SLC25A27: variants seen among roughly 807,000 people sequenced by gnomAD.
SLC25A27 encodes the protein mitochondrial uncoupling protein 4.
SLC25A27 carries 35 observed loss-of-function variants against 49.1 expected under a neutral mutation model. The ratio of observed to expected loss-of-function variants is 0.71; its 90% CI spans 0.54 to 0.95. The LOEUF (loss-of-function observed/expected upper bound fraction) is 0.95. Among genes scored for constraint, SLC25A27 ranks in the 40% least tolerant of loss-of-function variants. SLC25A27 has a pLI of 0.00. For synonymous variants in SLC25A27, 144 were observed against 136.9 expected, an observed-to-expected ratio of 1.05 and a Z score of -0.36; for missense variants, 339 against 397.1, an observed-to-expected ratio of 0.85 and a Z score of 1.24.
At chr6:46,675,978 T>C (rs563755621) in intron 8 of SLC25A27, among the ~76,000 whole-genome samples, 14 of 152,268 alleles carry the variant, frequency 9.2e-5, no homozygotes, top group Middle Eastern at 3.4e-3. Context: ...AAACTAGATA[T>C]AGAAAAGCCT....
At chr6:46,667,570 G>A (rs1264851949) in intron 5 of SLC25A27, among the ~76,000 whole-genome samples, 1 of 152,206 alleles carries the variant, frequency 6.6e-6, no homozygotes, top group African/African-American at 2.4e-5. Context: ...AACACAGCAA[G>A]CTGACTCCTG....
chr6:46,668,984 G>T (rs1473935572), intron 6 of SLC25A27, among the ~76,000 whole-genome samples, 191 bp downstream of exon 6: 1 of 152,174 alleles, frequency 6.6e-6, no homozygotes. Flanking sequence ...CAAAGTTGTA[G>T]GATGTTTTGG....
At chr6:46,661,043 G>A (rs1223157026) in intron 3 of SLC25A27, among the ~76,000 whole-genome samples, 1 of 152,174 alleles carries the variant, frequency 6.6e-6, no homozygotes, top group East Asian at 1.9e-4. Context: ...TAATACTGAG[G>A]CTATAGTAAT....
intron 8 of SLC25A27, 59 bp downstream of exon 8, chr6:46,671,287 A>G: frequency 2.0e-6 from 2 of 1,011,958 alleles, no homozygotes; most frequent in Non-Finnish European, 2.9e-6. Context: ...CTTTTAATTT[A>G]TAAGCATTTT....
At chr6:46,671,251 T>C (rs1763525680) in intron 8 of SLC25A27, 23 bp downstream of exon 8, 3 of 1,359,726 alleles carry the variant, frequency 2.2e-6, no homozygotes, top group South Asian at 2.7e-5. Flanking sequence ...TTACTTCCTT[T>C]GTTTTTTTTC....
At chr6:46,672,727 T>G (rs879647140) in intron 8 of SLC25A27, among the ~76,000 whole-genome samples, 56 of 152,146 alleles carry the variant, frequency 3.7e-4, no homozygotes, top group African/African-American at 1.3e-3. Flanking sequence ...CTATGAAATT[T>G]TGGATACCCA....
At chr6:46,655,536 T>G (rs1291287334) in intron 1 of SLC25A27, among the ~76,000 whole-genome samples, 123 of 8,596 alleles carry the variant, frequency 0.014, no homozygotes, top group Admixed American at 0.028. Context: ...TTAATGTTTG[T>G]TTTTTTTTTT....
At chr6:46,670,925 T>C (rs1349779914) in intron 7 of SLC25A27, among the ~76,000 whole-genome samples, 2 of 152,024 alleles carry the variant, frequency 1.3e-5, no homozygotes, top group African/African-American at 4.8e-5. Context: ...AGAGATGGGG[T>C]TTCACCGTGT....
In SLC25A27 at chr6:46,676,593, T is replaced by G; in HGVS notation, c.*139T>G. The G allele has an allele frequency of 6.4e-7, 1 of 1,559,966 alleles. No homozygotes were observed. Among genetic ancestry groups the G allele is most frequent in the South Asian group, 1.2e-5 (1 of 85,348 alleles). ...GAGACTGATTTATAGGGGGCAGCAC[T>G]TTATTTTTTTCTGGAAACCCAAGTT... On this transcript the variant is annotated 3_prime_UTR_variant, in exon 9 of 9. Coordinates refer to ENST00000371347, the MANE Select transcript of SLC25A27 (RefSeq NM_004277.5).
intron 5 of SLC25A27, among the ~76,000 whole-genome samples, chr6:46,668,385 T>C (rs1026211758): frequency 6.6e-6 from 1 of 152,222 alleles, no homozygotes; most frequent in African/African-American, 2.4e-5. Context: ...CTTTTATTTA[T>C]AAGTGACAGG....
intron 8 of SLC25A27, among the ~76,000 whole-genome samples, chr6:46,671,887 T>C (rs1473344903): frequency 2.0e-5 from 3 of 151,754 alleles, no homozygotes; most frequent in Non-Finnish European, 4.4e-5. Flanking sequence ...TTAAAACATT[T>C]GAAAGAATAG....
intron 3 of SLC25A27, among the ~76,000 whole-genome samples, chr6:46,659,465 G>A (rs543403698): frequency 1.3e-5 from 2 of 152,264 alleles, no homozygotes; most frequent in African/African-American, 4.8e-5. Flanking sequence ...AGGACACGGT[G>A]AGATGATGAA....
At position 46,671,244 on chromosome 6, in the gene SLC25A27, C is replaced by T; in HGVS notation, c.900+16C>T. On this transcript the variant is annotated intron_variant, in intron 8 of 8. Coordinates refer to ENST00000371347, the MANE Select transcript of SLC25A27 (RefSeq NM_004277.5). Reference sequence around the variant, plus strand: ...GCTGAGAATGGTAAAGTTAGGTTTACTTCCTTTGTTTTTTTTCTTTGTACT... The same window carrying T: ...GCTGAGAATGGTAAAGTTAGGTTTATTTCCTTTGTTTTTTTTCTTTGTACT... 7.2e-7 allele frequency: 1 copy of T among 1,388,244 alleles called. No individual in the cohort carries two copies. Among genetic ancestry groups the T allele is most frequent in the East Asian group, 2.5e-5 (1 of 39,312 alleles). The allele number at this position is 1,388,244 out of a possible 1,614,324, so 86.0% of individuals were successfully genotyped here.
rs1420337839 is a variant in SLC25A27, at chr6:46,668,749, G to C, written c.660G>C (p.Leu220Phe). Residue 220 changes from leucine to phenylalanine, a missense_variant, in exon 6 of 9, where the codon TTG becomes TTC. Leu to Phe is a conservative substitution (Grantham distance 22). Transcript: ENST00000371347. ...ATACAGTGAAACACTACTTGGTATT[G>C]AATACACCACTTGAGGACAATATCA... ...TYDTVKHYLV[L>F]NTPLEDNIMT... The C allele has an allele frequency of 6.2e-7, 1 of 1,610,130 alleles. No individual in the cohort carries two copies. Among genetic ancestry groups the C allele is most frequent in the Non-Finnish European group, 8.5e-7 (1 of 1,176,890 alleles).
At chr6:46,662,346 A>C in intron 3 of SLC25A27, 30 bp from the exon 4 acceptor site, 1 of 1,609,584 alleles carries the variant, frequency 6.2e-7, no homozygotes, top group Non-Finnish European at 8.5e-7. Flanking sequence ...ATTAATGGCA[A>C]CTTTAAAAAG....
chr6:46,663,452 A>G (rs1763229244), intron 4 of SLC25A27, among the ~76,000 whole-genome samples: 1 of 152,148 alleles, frequency 6.6e-6, no homozygotes, highest in South Asian at 2.1e-4. Flanking sequence ...AGCACAGGAG[A>G]AAAGGGTACC....
In SLC25A27 at chr6:46,667,654, A is replaced by ATGCT. The variant is rs143574423; in HGVS notation, c.620-1053_620-1050dup. Among the ~76,000 whole-genome samples, 583 of 152,194 alleles carry ATGCT rather than the reference A, an allele frequency of 3.8e-3. 3 individuals carry two copies. Among genetic ancestry groups the ATGCT allele is most frequent in the African/African-American group, 0.013 (549 of 41,560 alleles). On this transcript the variant is annotated intron_variant, in intron 5 of 8. Coordinates refer to ENST00000371347, the MANE Select transcript of SLC25A27 (RefSeq NM_004277.5). ...TAGCTATCTACAGGGTTGTTTTCTCATGCTTTCTTTTGGTCTCTGTTCAAA... is the reference window on the plus strand; with the variant it reads ...TAGCTATCTACAGGGTTGTTTTCTCATGCTTGCTTTCTTTTGGTCTCTGTTCAAA...
At position 46,676,787 on chromosome 6, in the gene SLC25A27, G is replaced by A; in HGVS notation, c.*333G>A. The A allele has an allele frequency of 9.5e-7, 1 of 1,049,222 alleles. No individual in the cohort carries two copies. The allele number at this position is 1,049,222 out of a possible 1,614,324, so 65.0% of individuals were successfully genotyped here. On this transcript the variant is annotated 3_prime_UTR_variant, in exon 9 of 9. Coordinates refer to ENST00000371347, the MANE Select transcript of SLC25A27 (RefSeq NM_004277.5). ...TATTCTATGCTGAAGAGCCTGCTTA[G>A]AGGAGGAGTACCAGGAGGGAGCCAG...
In SLC25A27 at chr6:46,652,977, GT is replaced by G; in HGVS notation, c.-211del. ...CCAGTAACCTCCTGGGCTCCGCTGT[GT>G]TTTTCTATTCTGGGGTGTAAGGGGC... On this transcript the variant is annotated 5_prime_UTR_variant, in exon 1 of 9. Transcript: ENST00000371347. 3.4e-6 allele frequency: 2 copies of G among 586,014 alleles called. No individual in the cohort carries two copies. The highest frequency in any genetic ancestry group is 4.2e-5 in the South Asian group (2 of 47,728). The allele number at this position is 586,014 out of a possible 1,614,324, so 36.3% of individuals were successfully genotyped here. A position where few individuals can be genotyped will look rare whatever the true frequency, so the allele number is the denominator to read the frequency against.
Sources: allele counts gnomAD v4.1 joint callset (sites outside exome capture counted in the v4.1 genomes callset), GRCh38; gene constraint gnomAD v4.1.1; transcripts MANE v1.5; gene names NCBI Gene and HGNC (gene_info 2026-07-23, HGNC 2026-07-21).